Variants in CNTNAP2 observed in about 807,000 individuals in gnomAD.
The protein encoded by CNTNAP2 is contactin-associated protein-like 2.
In CNTNAP2, 98 loss-of-function variants were observed where a neutral mutation model predicts 155.2. That is an observed-to-expected ratio of 0.63 (90% CI 0.54 to 0.75). The LOEUF is 0.75. Among genes scored for constraint, CNTNAP2 ranks in the 30% least tolerant of loss-of-function variants. The probability of loss-of-function intolerance (pLI) is 0.00; values close to 1 mark genes in which losing one functional copy is unlikely to be tolerated. For synonymous variants in CNTNAP2, 651 were observed against 631.2 expected, an observed-to-expected ratio of 1.03 and a Z score of -0.47; for missense variants, 1,727 against 1,688.1, an observed-to-expected ratio of 1.02 and a Z score of -0.40.
At chr7:146,740,024 G>T in intron 1 of CNTNAP2, among the ~76,000 whole-genome samples, 1 of 151,846 alleles carries the variant, frequency 6.6e-6, no homozygotes. Flanking sequence ...TTCAGTCTAT[G>T]TGTATTTTTA....
intron 13 of CNTNAP2, among the ~76,000 whole-genome samples, chr7:147,751,266 A>G (rs1797131362): frequency 6.6e-6 from 1 of 151,714 alleles, no homozygotes; most frequent in Non-Finnish European, 1.5e-5. Context: ...AAACTGATGT[A>G]TTTATTTATT....
intron 12 of CNTNAP2, among the ~76,000 whole-genome samples, chr7:147,624,568 A>G (rs970749858): frequency 6.6e-6 from 1 of 152,186 alleles, no homozygotes; most frequent in East Asian, 1.9e-4. Flanking sequence ...ATATCATCTC[A>G]CCACAGTTAA....
At chr7:147,469,912 T>C (rs1245551552) in intron 10 of CNTNAP2, among the ~76,000 whole-genome samples, 3 of 151,930 alleles carry the variant, frequency 2.0e-5, no homozygotes, top group Admixed American at 2.0e-4. Context: ...ATCCATGAAG[T>C]TTTGTGGGAG....
intron 10 of CNTNAP2, among the ~76,000 whole-genome samples, chr7:147,454,302 T>C (rs2116574557): frequency 6.6e-6 from 1 of 152,298 alleles, no homozygotes; most frequent in South Asian, 2.1e-4. Context: ...TATTTTGCAA[T>C]AGGACGTCGA....
At chr7:146,873,764 A>G (rs890940570) in intron 3 of CNTNAP2, among the ~76,000 whole-genome samples, 2 of 152,132 alleles carry the variant, frequency 1.3e-5, no homozygotes, top group Non-Finnish European at 2.9e-5. Context: ...AATGATTACA[A>G]TTTGAGGGGG....
Position 146,589,685 on chromosome 7 carries a change from C to T in CNTNAP2, c.98-184586C>T, listed in dbSNP as rs191351748. ...ATGAGTGCAGCAAACCACCATGGCA[C>T]GTGTATACTTATGTAACAAACCTGC... On this transcript the variant is annotated intron_variant, in intron 1 of 23. Transcript: ENST00000361727. Among the ~76,000 whole-genome samples, 24 of 151,292 alleles carry T rather than the reference C, an allele frequency of 1.6e-4. No individual in the cohort carries two copies. The East Asian group carries it at 3.3e-3, about 21-fold the overall frequency.
At chr7:146,359,530 G>T (rs1187905440) in intron 1 of CNTNAP2, among the ~76,000 whole-genome samples, 3 of 152,172 alleles carry the variant, frequency 2.0e-5, no homozygotes, top group Admixed American at 2.0e-4. Flanking sequence ...CTGACAGATT[G>T]CCATGGCTGA....
intron 16 of CNTNAP2, among the ~76,000 whole-genome samples, chr7:148,139,869 G>A (rs1002681300): frequency 2.6e-5 from 4 of 152,174 alleles, no homozygotes; most frequent in Non-Finnish European, 5.9e-5. Context: ...TGATGTGATT[G>A]TTTCTGTTTT....
intron 13 of CNTNAP2, among the ~76,000 whole-genome samples, chr7:147,766,263 GA>G (rs1468274591): frequency 1.3e-5 from 2 of 152,082 alleles, no homozygotes; most frequent in Non-Finnish European, 2.9e-5. Flanking sequence ...ATAAAACTAA[GA>G]CAAATTTGGA....
intron 1 of CNTNAP2, among the ~76,000 whole-genome samples, chr7:146,538,552 C>G (rs1186084084): frequency 6.6e-6 from 1 of 152,018 alleles, no homozygotes; most frequent in Non-Finnish European, 1.5e-5. Context: ...CATTCTGCTG[C>G]CCCAAGCAAT....
At chr7:146,615,429 C>T (rs1344740730) in intron 1 of CNTNAP2, among the ~76,000 whole-genome samples, 2 of 152,100 alleles carry the variant, frequency 1.3e-5, no homozygotes, top group African/African-American at 2.4e-5. Flanking sequence ...GACATTTCTT[C>T]CTGTGAAATA....
chr7:147,694,230 T>G (rs1796130890), intron 13 of CNTNAP2, among the ~76,000 whole-genome samples: 1 of 152,078 alleles, frequency 6.6e-6, no homozygotes, highest in Non-Finnish European at 1.5e-5. Flanking sequence ...ATACAGTTCT[T>G]TCTATACATT....
intron 10 of CNTNAP2, among the ~76,000 whole-genome samples, chr7:147,453,293 G>A (rs1463183035): frequency 2.0e-5 from 3 of 152,136 alleles, no homozygotes; most frequent in African/African-American, 7.2e-5. Context: ...GGTGCTTCAG[G>A]AAGAATCAGA....
At chr7:147,415,995 A>G (rs1214749567) in intron 10 of CNTNAP2, among the ~76,000 whole-genome samples, 1 of 152,170 alleles carries the variant, frequency 6.6e-6, no homozygotes, top group Non-Finnish European at 1.5e-5. Flanking sequence ...AAAATATCTG[A>G]GCTGTATTGC....
At chr7:146,804,002 A>G (rs1802925210) in intron 2 of CNTNAP2, among the ~76,000 whole-genome samples, 1 of 152,188 alleles carries the variant, frequency 6.6e-6, no homozygotes, top group South Asian at 2.1e-4. Flanking sequence ...TTTTTCATTT[A>G]CAGATAAAAA....
Position 147,416,315 on chromosome 7 carries a change from C to T in CNTNAP2, c.1670+20535C>T, listed in dbSNP as rs11764370. On this transcript the variant is annotated intron_variant, in intron 10 of 23. Transcript: ENST00000361727. ...GAGCAGCTTGGCCTTGGACTGAAGA[C>T]AAAGTGGAGAACACAATCAGAAAGA... Among the ~76,000 whole-genome samples, 969 of 152,290 alleles carry T rather than the reference C, an allele frequency of 6.4e-3. 8 individuals carry two copies. The highest frequency in any genetic ancestry group is 0.011 in the Non-Finnish European group (726 of 68,026).
At chr7:148,305,933 G>A (rs531767693) in intron 21 of CNTNAP2, among the ~76,000 whole-genome samples, 5 of 152,156 alleles carry the variant, frequency 3.3e-5, no homozygotes, top group South Asian at 2.1e-4. Flanking sequence ...CCTCCTACCC[G>A]GCTTCCATGA....
intron 1 of CNTNAP2, among the ~76,000 whole-genome samples, chr7:146,216,533 A>G (rs564035980): frequency 6.6e-6 from 1 of 152,236 alleles, no homozygotes; most frequent in East Asian, 1.9e-4. Flanking sequence ...GCAACTGCCG[A>G]TCAGCAGAAT....
intron 15 of CNTNAP2, among the ~76,000 whole-genome samples, chr7:148,101,089 C>T (rs1212607529): frequency 7.3e-6 from 1 of 137,496 alleles, no homozygotes; most frequent in Non-Finnish European, 1.5e-5. Context: ...ACAATGAGAA[C>T]ACATGGACAC....
Sources: allele counts gnomAD v4.1 joint callset (sites outside exome capture counted in the v4.1 genomes callset), GRCh38; gene constraint gnomAD v4.1.1; transcripts MANE v1.5; gene names NCBI Gene and HGNC (gene_info 2026-07-23, HGNC 2026-07-21).